NLRP2: variants seen among roughly 807,000 people sequenced by gnomAD.
The protein encoded by NLRP2 is NLR family pyrin domain containing 2.
A neutral mutation model predicts 97.2 loss-of-function variants in NLRP2; 107 were observed. The observed-to-expected ratio is 1.10, with a 90% CI of 0.94 to 1.29. The LOEUF (loss-of-function observed/expected upper bound fraction) is 1.29. Ranked by LOEUF, NLRP2 falls within the 50% of genes most tolerant of loss-of-function variation. NLRP2 has a pLI of 0.00. For synonymous variants in NLRP2, 663 were observed against 551.5 expected (o/e 1.20, Z -2.83); for missense variants, 1,495 against 1,330.3 (o/e 1.12, Z -1.93).
rs767423134 is a variant in NLRP2 at position 54,983,043 on chromosome 19, A to C, written c.1345A>C (p.Thr449Pro). The C allele has an allele frequency of 6.2e-7, 1 of 1,611,034 alleles. No homozygotes were observed. The highest frequency in any genetic ancestry group is 1.3e-5 in the African/African-American group (1 of 74,844). The change falls in exon 6 of 13, where the codon ACG becomes CCG. Residue 449 changes from threonine to proline, a missense_variant. Thr to Pro is a conservative substitution (Grantham distance 38). Coordinates refer to ENST00000448584, the MANE Select transcript of NLRP2 (RefSeq NM_017852.5). ...CGCACAGCTGCGGGGCGCGCTGCGG[A>C]CGCTGAGCCTCCTGGCCGCGCAGGG... The part of the protein sequence containing the change: ...QGAQLRGALR[T>P]LSLLAAQGLW...
intron 8 of NLRP2, 22 bp from the exon 9 acceptor site, chr19:54,990,000 C>T (rs752940983): frequency 2.5e-5 from 40 of 1,601,558 alleles, no homozygotes; most frequent in Non-Finnish European, 3.1e-5. Flanking sequence ...AAAAAAATGA[C>T]GTGGTCCTAT....
intron 11 of NLRP2, among the ~76,000 whole-genome samples, chr19:54,994,724 C>T (rs1186511316): frequency 6.6e-6 from 1 of 151,798 alleles, no homozygotes; most frequent in African/African-American, 2.4e-5. Context: ...AATTCTCTTG[C>T]TTCAGCTTCC....
chr19:54,976,390 C>T (rs1251484444), intron 3 of NLRP2, among the ~76,000 whole-genome samples: 1 of 151,562 alleles, frequency 6.6e-6, no homozygotes, highest in African/African-American at 2.4e-5. Context: ...CTTGCTCTGT[C>T]ACCCAGGCTG....
intron 11 of NLRP2, among the ~76,000 whole-genome samples, chr19:54,996,761 C>G (rs1428944697): frequency 2.0e-5 from 3 of 151,984 alleles, no homozygotes; most frequent in African/African-American, 7.2e-5. Flanking sequence ...GAGAACTCCC[C>G]CCCGAGCTCT....
In NLRP2 at chr19:54,994,285, A is replaced by ATAAC. The variant is rs1184089421; in HGVS notation, c.2728_2731dup (p.Ser911AsnfsTer2). The ATAAC allele has an allele frequency of 6.2e-7, 1 of 1,614,170 alleles. No individual in the cohort carries two copies. Among genetic ancestry groups the ATAAC allele is most frequent in the Non-Finnish European group, 8.5e-7 (1 of 1,180,034 alleles). On this transcript the variant is annotated frameshift_variant, in exon 11 of 13. Coordinates refer to ENST00000448584, the MANE Select transcript of NLRP2 (RefSeq NM_017852.5). LOFTEE classifies it high-confidence loss of function. ...GATTTCTAGGCTTTGGAACTGCGAC[A>ATAAC]TAACTAGCGATGGCTGCTGCGATCT...
rs1388352965 is a variant in NLRP2, at chr19:55,000,756, C to A, written c.3051-4C>A. On this transcript the variant is annotated splice_region_variant and splice_polypyrimidine_tract_variant and intron_variant, in intron 12 of 12. Transcript: ENST00000448584. ...TAACCTTTTCTTCCCCCATTGTACC[C>A]CAGGTTGAAAATCGATGACTTTAAT... 1 of 1,613,404 alleles carries A rather than the reference C, an allele frequency of 6.2e-7. No individual in the cohort carries two copies. Among genetic ancestry groups the A allele is most frequent in the Non-Finnish European group, 8.5e-7 (1 of 1,179,662 alleles).
At chr19:54,977,510 TG>T (rs2071316096) in intron 3 of NLRP2, among the ~76,000 whole-genome samples, 3 of 151,930 alleles carry the variant, frequency 2.0e-5, no homozygotes, top group African/African-American at 4.8e-5. Context: ...TGTGTGTGTG[TG>T]TGTGTGTGTG....
chr19:54,997,212 T>A, intron 11 of NLRP2, 105 bp from the exon 12 acceptor site: 1 of 1,202,176 alleles, frequency 8.3e-7, no homozygotes, highest in Non-Finnish European at 1.2e-6. Flanking sequence ...GCCTGAGACT[T>A]CTGTTGGTCA....
At chr19:54,992,919 C>T (rs764305528) in intron 10 of NLRP2, among the ~76,000 whole-genome samples, 10 of 151,864 alleles carry the variant, frequency 6.6e-5, no homozygotes, top group Admixed American at 1.3e-4. Flanking sequence ...TCCCTTTAGT[C>T]TTATGTGGGT....
rs935892912 is a variant in NLRP2, at chr19:54,989,990, A to AG, written c.2367-32_2367-31insG. ...AGTGAGACTCAGTCTCAAAAAAAAA[A>AG]AAAAAATGACGTGGTCCTATTTCTC... On this transcript the variant is annotated intron_variant, in intron 8 of 12. Coordinates refer to ENST00000448584, the MANE Select transcript of NLRP2 (RefSeq NM_017852.5). The AG allele has an allele frequency of 3.1e-6, 5 of 1,612,060 alleles. No individual in the cohort carries two copies. The African/African-American group carries it at 5.3e-5, about 17-fold the overall frequency.
chr19:54,974,677 A>G, intron 3 of NLRP2, 133 bp downstream of exon 3: 1 of 732,976 alleles, frequency 1.4e-6, no homozygotes, highest in Non-Finnish European at 2.4e-6. Context: ...CCCAGGGCGG[A>G]GCTGGTCTCG....
rs2071656448 is a variant in NLRP2 at position 54,982,535 on chromosome 19, A to G, written c.837A>G (p.Gln279=). 2 of 1,614,106 alleles carry G rather than the reference A, an allele frequency of 1.2e-6. No homozygotes were observed. The highest frequency in any genetic ancestry group is 2.2e-5 in the South Asian group (2 of 91,086). The stretch of plus-strand genomic sequence containing the variant: ...ATGACATTCCACACATCCTAGCCCA[A>G]GCACGGAAAATCTTGTTCGTGATTG... ...LQDDIPHILA[Q]ARKILFVIDG... is the part of the protein sequence containing the mutation. The change falls in exon 6 of 13, where the codon CAA becomes CAG. Residue 279 remains glutamine (Q), a synonymous_variant. Transcript: ENST00000448584.
intron 2 of NLRP2, chr19:54,973,956 G>C (rs1469579103): frequency 2.2e-6 from 2 of 929,976 alleles, no homozygotes; most frequent in Non-Finnish European, 3.5e-6. Flanking sequence ...GGCTATGGTG[G>C]GCAGACTAAG....
At chr19:54,993,982 G>C (rs2072653648) in intron 10 of NLRP2, 1 of 520,398 alleles carries the variant, frequency 1.9e-6, no homozygotes, top group African/African-American at 1.9e-5. Context: ...TCCCTCTTAT[G>C]AGGATCCCTG....
At chr19:54,973,190 A>AG (rs942903271) in intron 2 of NLRP2, among the ~76,000 whole-genome samples, 13 of 149,506 alleles carry the variant, frequency 8.7e-5, no homozygotes, top group Non-Finnish European at 1.8e-4. Context: ...CTCCATCTCA[A>AG]AAAAAAAAAA....
intron 1 of NLRP2, among the ~76,000 whole-genome samples, chr19:54,967,838 G>A (rs761730329): frequency 1.5e-4 from 22 of 151,708 alleles, no homozygotes; most frequent in Non-Finnish European, 3.1e-4. Context: ...ACCTATGCCA[G>A]TTGCCATTCT....
chr19:54,972,301 C>T (rs2070914728), intron 2 of NLRP2, among the ~76,000 whole-genome samples: 1 of 151,972 alleles, frequency 6.6e-6, no homozygotes, highest in Admixed American at 6.6e-5. Flanking sequence ...CCTGCATCAG[C>T]CTCTTGAATA....
chr19:54,979,698 A>C (rs1568486442), intron 4 of NLRP2, among the ~76,000 whole-genome samples: 1 of 152,042 alleles, frequency 6.6e-6, no homozygotes, highest in Admixed American at 6.6e-5. Flanking sequence ...GGCTCTGTAT[A>C]ATAGAGGTGA....
intron 1 of NLRP2, among the ~76,000 whole-genome samples, chr19:54,969,432 T>C (rs539795344): frequency 2.2e-5 from 3 of 139,356 alleles, no homozygotes; most frequent in Admixed American, 7.4e-5. Context: ...GAGCCGAGAT[T>C]GCAGCACTGC....
Sources: allele counts gnomAD v4.1 joint callset (sites outside exome capture counted in the v4.1 genomes callset), GRCh38; gene constraint gnomAD v4.1.1; transcripts MANE v1.5; gene names NCBI Gene and HGNC (gene_info 2026-07-23, HGNC 2026-07-21).